NLRP1: variants seen among roughly 807,000 people sequenced by gnomAD.
NLRP1 encodes the protein NACHT, LRR and PYD domains-containing protein 1.
NLRP1 carries 94 observed loss-of-function variants against 136.7 expected under a neutral mutation model. That is an observed-to-expected ratio of 0.69 (90% confidence interval 0.58 to 0.82). The LOEUF is 0.82. Ranked by LOEUF, NLRP1 falls within the 40% of genes least tolerant of loss-of-function variation. The pLI is 0.00. For missense variants in NLRP1, 1,575 were observed against 1,802.7 expected, an observed-to-expected ratio of 0.87 and a Z score of 2.29; for synonymous variants, 690 against 725.1, an observed-to-expected ratio of 0.95 and a Z score of 0.78.
intron 3 of NLRP1, among the ~76,000 whole-genome samples, chr17:5,564,484 T>A (rs1915102604): frequency 6.6e-6 from 1 of 152,172 alleles, no homozygotes. Flanking sequence ...TTATTTCACA[T>A]AACGTAATCT....
chr17:5,556,149 CACACACACACACAT>C (rs1230413642), intron 4 of NLRP1, among the ~76,000 whole-genome samples: 1 of 148,858 alleles, frequency 6.7e-6, no homozygotes, highest in African/African-American at 2.5e-5. Context: ...CACACACACA[CACACACACACACAT>C]GAAGGGCTGG....
At chr17:5,543,114 G>A (rs1225300134) in intron 5 of NLRP1, among the ~76,000 whole-genome samples, 1 of 152,112 alleles carries the variant, frequency 6.6e-6, no homozygotes, top group Admixed American at 6.5e-5. Flanking sequence ...ACAGGCGTGA[G>A]CCACCGTGCC....
intron 6 of NLRP1, among the ~76,000 whole-genome samples, chr17:5,540,656 T>G (rs898014154): frequency 6.6e-6 from 1 of 152,192 alleles, no homozygotes; most frequent in Non-Finnish European, 1.5e-5. Context: ...TCTTGTCTTC[T>G]GTAGATGTAG....
At chr17:5,535,156 G>T (rs1211901543) in intron 8 of NLRP1, among the ~76,000 whole-genome samples, 2 of 151,994 alleles carry the variant, frequency 1.3e-5, no homozygotes, top group Non-Finnish European at 2.9e-5. Flanking sequence ...GGAGGCAGAG[G>T]TTACAGTGAG....
Position 5,537,233 on chromosome 17 carries a change from G to A in NLRP1, c.2871-293C>T, listed in dbSNP as rs569264802. On this transcript the variant is annotated intron_variant, in intron 7 of 16. Transcript: ENST00000572272. This position sits in a 1 kb window ranked among gnomAD's most constrained non-coding sequence, Gnocchi z 4.5. Reference sequence around the variant, plus strand: ...TGATCCTTTAGAGCTGTTTAAAGGAGTTGGGTTGAGGGGCTGGGCCTTTCT... The same window carrying A: ...TGATCCTTTAGAGCTGTTTAAAGGAATTGGGTTGAGGGGCTGGGCCTTTCT... Among the ~76,000 whole-genome samples, 2 of 152,376 alleles carry A rather than the reference G, an allele frequency of 1.3e-5. No homozygotes were observed. Among genetic ancestry groups the A allele is most frequent in the South Asian group, 2.1e-4 (1 of 4,834 alleles).
At chr17:5,511,666 G>A (rs868117698), downstream of NLRP1, among the ~76,000 whole-genome samples, 1 of 152,274 alleles carries the variant, frequency 6.6e-6, no homozygotes, top group Middle Eastern at 3.4e-3. Context: ...GAAGGAGGCG[G>A]GGCATGCGGG....
In NLRP1 at chr17:5,539,556, C is replaced by T. The variant is rs755422854; in HGVS notation, c.2729G>A (p.Cys910Tyr). The change falls in exon 7 of 17, where the codon TGC becomes TAC. Residue 910 changes from cysteine (C) to tyrosine (Y), a missense_variant. By Grantham distance (194) the Cys-to-Tyr change is radical (BLOSUM62 -2). Coordinates refer to ENST00000572272, the MANE Select transcript of NLRP1 (RefSeq NM_033004.4). Reference protein sequence around the residue: ...QLVSCGLTSDCCQDLASVLSA... With the variant: ...QLVSCGLTSDYCQDLASVLSA... The stretch of plus-strand genomic sequence containing the variant: ...AAGCACAGAGGCCAGGTCCTGGCAG[C>T]AGTCAGACGTGAGGCCACAGCTGAC... The T allele has an allele frequency of 1.2e-6, 2 of 1,612,984 alleles. No homozygotes were observed. Among genetic ancestry groups the T allele is most frequent in the Non-Finnish European group, 1.7e-6 (2 of 1,179,580 alleles).
intron 3 of NLRP1, among the ~76,000 whole-genome samples, chr17:5,573,919 C>G (rs1178348411): frequency 6.6e-6 from 1 of 152,214 alleles, no homozygotes; most frequent in Admixed American, 6.5e-5. Flanking sequence ...TCCAAAGGAA[C>G]ATAGCTCCTC....
Position 5,584,316 on chromosome 17 carries a change from C to A in NLRP1, c.-359G>T. The A allele has an allele frequency of 3.3e-6, 1 of 305,938 alleles. No homozygotes were observed. The allele number at this position is 305,938 out of a possible 1,614,324, so 19.0% of individuals were successfully genotyped here. A position where few individuals can be genotyped will look rare whatever the true frequency, so the allele number is the denominator to read the frequency against. On this transcript the variant is annotated 5_prime_UTR_variant, in exon 1 of 17. Transcript: ENST00000572272. ...ACTGTTCTGTGTTCCTCAGATTCTTCCCTCTCCTGGGTCCTGGACTCCTGA... is the reference window on the plus strand; with the variant it reads ...ACTGTTCTGTGTTCCTCAGATTCTTACCTCTCCTGGGTCCTGGACTCCTGA...
chr17:5,554,875 T>G (rs1263189217), intron 4 of NLRP1, among the ~76,000 whole-genome samples: 4 of 151,802 alleles, frequency 2.6e-5, no homozygotes, highest in African/African-American at 9.7e-5. Context: ...TAAAAAAAAT[T>G]AGGCAATGTG....
chr17:5,543,630 T>C (rs1912157559), intron 5 of NLRP1, among the ~76,000 whole-genome samples: 1 of 150,428 alleles, frequency 6.6e-6, no homozygotes, highest in Admixed American at 6.6e-5. Context: ...CACTCCAGCC[T>C]GGGTGACAGA....
chr17:5,550,053 G>A (rs184977974), intron 5 of NLRP1, among the ~76,000 whole-genome samples: 1 of 152,048 alleles, frequency 6.6e-6, no homozygotes, highest in Non-Finnish European at 1.5e-5. Flanking sequence ...ATCCCATTTG[G>A]TCATGGTCTA....
At chr17:5,540,913 G>C (rs1911789885) in intron 6 of NLRP1, among the ~76,000 whole-genome samples, 1 of 152,192 alleles carries the variant, frequency 6.6e-6, no homozygotes, top group African/African-American at 2.4e-5. Context: ...GGATATTTCA[G>C]GGCTTGGGCA....
chr17:5,550,980 G>A (rs943843502), intron 5 of NLRP1, among the ~76,000 whole-genome samples: 2 of 151,964 alleles, frequency 1.3e-5, no homozygotes, highest in African/African-American at 4.8e-5. Context: ...CTGCTGACAT[G>A]CTGTACCACA....
At chr17:5,551,182 C>T (rs956681575) in intron 5 of NLRP1, among the ~76,000 whole-genome samples, 5 of 152,194 alleles carry the variant, frequency 3.3e-5, no homozygotes, top group Non-Finnish European at 7.4e-5. Flanking sequence ...CTACTGTGCT[C>T]TATTAATTCC....
At chr17:5,510,070 C>CTTTTTTTTTTT (rs749349135), downstream of NLRP1, among the ~76,000 whole-genome samples, 1 of 148,528 alleles carries the variant, frequency 6.7e-6, no homozygotes. Flanking sequence ...TATTCTTCTT[C>CTTTTTTTTTTT]TTCTTTTTTT....
intron 15 of NLRP1, among the ~76,000 whole-genome samples, chr17:5,508,550 G>A (rs1301199078): frequency 3.3e-5 from 5 of 152,276 alleles, no homozygotes; most frequent in East Asian, 3.9e-4. Context: ...AAAGGATAAC[G>A]AAAAGCTCTC....
intron 15 of NLRP1, chr17:5,503,240 GGGAT>G (rs1265368684): frequency 2.6e-5 from 4 of 152,194 alleles, no homozygotes; most frequent in African/African-American, 9.7e-5. Flanking sequence ...TGTGTAGAGT[GGGAT>G]GGAAGAGCTT....
At chr17:5,533,764 G>C in intron 9 of NLRP1, 133 bp downstream of exon 9, 1 of 687,156 alleles carries the variant, frequency 1.5e-6, no homozygotes, top group Non-Finnish European at 2.6e-6. Flanking sequence ...CTCTCTCGTG[G>C]GGGTAGCACC....
Sources: allele counts gnomAD v4.1 joint callset (sites outside exome capture counted in the v4.1 genomes callset), GRCh38; gene constraint gnomAD v4.1.1; non-coding constraint Gnocchi (gnomAD v3.1); transcripts MANE v1.5; gene names NCBI Gene and HGNC (gene_info 2026-07-23, HGNC 2026-07-21).